FUT8: variants seen among roughly 807,000 people sequenced by gnomAD.
FUT8 encodes the protein alpha-(1,6)-fucosyltransferase.
FUT8 carries 29 observed loss-of-function variants against 71.3 expected under a neutral mutation model. The ratio of observed to expected loss-of-function variants is 0.41; its 90% CI spans 0.30 to 0.55. FUT8 has a LOEUF of 0.55. Ranked by LOEUF, FUT8 falls within the 20% of genes least tolerant of loss-of-function variation. The pLI is 0.34. For synonymous variants in FUT8, 254 were observed against 239.3 expected, an observed-to-expected ratio of 1.06 and a Z score of -0.57; for missense variants, 544 against 702.1, an observed-to-expected ratio of 0.77 and a Z score of 2.55.
intron 1 of FUT8, among the ~76,000 whole-genome samples, chr14:65,422,988 T>C (rs534655720): frequency 1.9e-4 from 28 of 147,634 alleles, no homozygotes; most frequent in African/African-American, 3.5e-4. Flanking sequence ...TTCTTTCTTT[T>C]TTTTTTTTTT....
intron 3 of FUT8, among the ~76,000 whole-genome samples, chr14:65,577,304 T>C (rs1419604190): frequency 6.6e-6 from 1 of 152,106 alleles, no homozygotes; most frequent in African/African-American, 2.4e-5. Flanking sequence ...ATCTGATCGG[T>C]TATGCTTAGA....
intron 2 of FUT8, among the ~76,000 whole-genome samples, chr14:65,548,577 T>G (rs1338031470): frequency 6.6e-6 from 1 of 152,044 alleles, no homozygotes; most frequent in Non-Finnish European, 1.5e-5. Flanking sequence ...TATGCTTTCA[T>G]TTTTCTTGGG....
chr14:65,732,348 T>G (rs1477186782), intron 9 of FUT8, among the ~76,000 whole-genome samples: 2 of 152,208 alleles, frequency 1.3e-5, no homozygotes, highest in Non-Finnish European at 2.9e-5. Context: ...ATTTATTCAC[T>G]CAGCATTGTG....
chr14:65,694,295 T>C (rs1300954988), intron 7 of FUT8, among the ~76,000 whole-genome samples: 1 of 152,238 alleles, frequency 6.6e-6, no homozygotes, highest in Non-Finnish European at 1.5e-5. Flanking sequence ...ATTATGTGTA[T>C]TCAGTGCTGC....
At chr14:65,544,596 T>C (rs2139976586) in intron 2 of FUT8, among the ~76,000 whole-genome samples, 1 of 152,290 alleles carries the variant, frequency 6.6e-6, no homozygotes, top group East Asian at 1.9e-4. Context: ...TTTGAGTAGT[T>C]AATTGTATCA....
chr14:65,606,560 CTT>C (rs1164167254), intron 3 of FUT8, among the ~76,000 whole-genome samples: 1 of 151,728 alleles, frequency 6.6e-6, no homozygotes, highest in Non-Finnish European at 1.5e-5. Flanking sequence ...GAAACCATCT[CTT>C]ATTGAATTAT....
intron 3 of FUT8, among the ~76,000 whole-genome samples, chr14:65,575,582 T>TC (rs35174023): frequency 0.3 from 21,670 of 72,538 alleles, 3,528 homozygotes; most frequent in African/African-American, 0.37. Flanking sequence ...CTTCCTTCCT[T>TC]CTTCCTTCCT....
chr14:65,650,771 T>C (rs899908567), intron 6 of FUT8, among the ~76,000 whole-genome samples: 1 of 151,504 alleles, frequency 6.6e-6, no homozygotes, highest in African/African-American at 2.4e-5. Context: ...TTTTTGTGTG[T>C]TTACTTATTT....
At chr14:65,356,885 A>G in the FUT8 span, among the ~76,000 whole-genome samples, 158 of 152,332 alleles carry the variant, frequency 1.0e-3, 2 homozygotes, top group African/African-American at 3.7e-3. This position sits in a 1 kb window ranked among gnomAD's most constrained non-coding sequence, Gnocchi z 4.6. Flanking sequence ...CATATCTGGC[A>G]GAGGCACTGA....
intron 7 of FUT8, among the ~76,000 whole-genome samples, chr14:65,693,112 A>T (rs1227537249): frequency 6.6e-6 from 1 of 152,110 alleles, no homozygotes; most frequent in Non-Finnish European, 1.5e-5. Flanking sequence ...GGTGGCGGCC[A>T]GGCAGAGGCT....
intron 6 of FUT8, among the ~76,000 whole-genome samples, chr14:65,637,102 G>C (rs1315349909): frequency 1.3e-5 from 2 of 152,076 alleles, no homozygotes; most frequent in Admixed American, 1.3e-4. Flanking sequence ...TCTTACTCTT[G>C]TGTTATATAA....
intron 2 of FUT8, among the ~76,000 whole-genome samples, chr14:65,474,819 C>A (rs574771505): frequency 8.1e-4 from 124 of 152,272 alleles, no homozygotes; most frequent in African/African-American, 2.8e-3. Flanking sequence ...AATTTCTCAA[C>A]TGATATTCAT....
intron 2 of FUT8, among the ~76,000 whole-genome samples, chr14:65,530,356 C>T (rs1566805550): frequency 6.6e-6 from 1 of 152,080 alleles, no homozygotes; most frequent in Non-Finnish European, 1.5e-5. Context: ...AATGTCAGAT[C>T]ATCAGTTGTG....
intron 2 of FUT8, among the ~76,000 whole-genome samples, chr14:65,552,118 A>G (rs1243573263): frequency 6.6e-6 from 1 of 152,214 alleles, no homozygotes; most frequent in Non-Finnish European, 1.5e-5. Context: ...GCAGTGTTCA[A>G]TTTTATGCTT....
chr14:65,510,221 G>A (rs781589863), intron 2 of FUT8, among the ~76,000 whole-genome samples: 3 of 151,992 alleles, frequency 2.0e-5, no homozygotes, highest in African/African-American at 7.2e-5. Context: ...TTGTTGATAC[G>A]ATATATGGTG....
At chr14:65,684,134 G>A (rs936685280) in intron 7 of FUT8, among the ~76,000 whole-genome samples, 15 of 151,400 alleles carry the variant, frequency 9.9e-5, no homozygotes, top group African/African-American at 1.5e-4. Context: ...ATATTTTATC[G>A]CATTTTCAGT....
chr14:65,626,200 ACT>A (rs1209316312), intron 5 of FUT8, among the ~76,000 whole-genome samples: 1 of 151,238 alleles, frequency 6.6e-6, no homozygotes, highest in East Asian at 2.0e-4. Context: ...CTCAGAAACA[ACT>A]CTCTGAGGAC....
In FUT8 at chr14:65,479,913, G is replaced by T. The variant is rs73284134; in HGVS notation, c.-228+24195G>T. 1,423 of 151,972 alleles carry T rather than the reference G, an allele frequency of 9.4e-3. 22 individuals carry two copies. The highest frequency in any genetic ancestry group is 0.033 in the African/African-American group (1,355 of 41,430). The allele number at this position is 151,972 out of a possible 1,614,324, so 9.4% of individuals were successfully genotyped here. A position where few individuals can be genotyped will look rare whatever the true frequency, so the allele number is the denominator to read the frequency against. On this transcript the variant is annotated intron_variant, in intron 2 of 10. Coordinates refer to ENST00000673929, the MANE Select transcript of FUT8 (RefSeq NM_001371533.1). ...TCATTAATGTTATCTTTGAGAAATG[G>T]TTCTTTTCAGTTTGAGAATGGGGGA...
intron 3 of FUT8, among the ~76,000 whole-genome samples, chr14:65,591,422 G>T (rs1566839229): frequency 6.6e-6 from 1 of 152,138 alleles, no homozygotes. Flanking sequence ...GTTCTGACAA[G>T]TATGTTACAC....
Sources: gnomAD v4.1 joint callset for allele counts (sites outside exome capture counted in the v4.1 genomes callset) on GRCh38, gnomAD v4.1.1 for gene constraint, Gnocchi (gnomAD v3.1) non-coding constraint, MANE v1.5 for transcripts, NCBI Gene and HGNC (gene_info 2026-07-23, HGNC 2026-07-21) for gene names.